The following COL5A2 variants were observed in gnomAD, a reference collection of about 807,000 sequenced individuals.
COL5A2 encodes collagen type V alpha 2 chain.
Under a neutral mutation model 208.2 loss-of-function variants are expected in COL5A2, and 23 were observed. The ratio of observed to expected loss-of-function variants is 0.11; its 90% CI spans 0.08 to 0.16. COL5A2 has a LOEUF of 0.16. Among genes scored for constraint, COL5A2 ranks in the 10% least tolerant of loss-of-function variants. The pLI is 1.00. For synonymous variants in COL5A2, 625 were observed against 628.5 expected (o/e 0.99, Z 0.08); for missense variants, 1,590 against 1,956.4 (o/e 0.81, Z 3.53).
chr2:189,214,913 G>C (rs1201040311), intron 1 of COL5A2, among the ~76,000 whole-genome samples: 2 of 152,106 alleles, frequency 1.3e-5, no homozygotes, highest in African/African-American at 4.8e-5. Context: ...GCTTTTGCCA[G>C]GACCTGATCT....
the COL5A2 span, among the ~76,000 whole-genome samples, chr2:189,236,413 T>G: frequency 6.6e-6 from 1 of 151,820 alleles, no homozygotes; most frequent in Non-Finnish European, 1.5e-5. Context: ...CAATATGGTA[T>G]GAATATGTTC....
chr2:189,104,331 A>C, intron 2 of COL5A2, 54 bp from the exon 3 acceptor site: 2 of 1,160,988 alleles, frequency 1.7e-6, no homozygotes, highest in Non-Finnish European at 1.3e-6. Flanking sequence ...ATTATTGAGA[A>C]TCTGCTAAAT....
intron 25 of COL5A2, among the ~76,000 whole-genome samples, chr2:189,064,316 G>C (rs1377155530): frequency 6.6e-6 from 1 of 152,046 alleles, no homozygotes; most frequent in African/African-American, 2.4e-5. Flanking sequence ...CTCATGCCAA[G>C]TGATAAAGCT....
chr2:189,208,733 A>G (rs1005908274), intron 1 of COL5A2, among the ~76,000 whole-genome samples: 6 of 152,240 alleles, frequency 3.9e-5, no homozygotes, highest in African/African-American at 1.2e-4. Flanking sequence ...TGTTTTAGAA[A>G]GTATACTACA....
At chr2:189,144,802 A>G (rs1688007034) in intron 1 of COL5A2, among the ~76,000 whole-genome samples, 1 of 152,100 alleles carries the variant, frequency 6.6e-6, no homozygotes, top group Non-Finnish European at 1.5e-5. Context: ...CTGACTTGCT[A>G]ATGTAGATGA....
intron 1 of COL5A2, among the ~76,000 whole-genome samples, chr2:189,222,307 G>A (rs1337769719): frequency 2.6e-5 from 4 of 152,152 alleles, no homozygotes; most frequent in Non-Finnish European, 5.9e-5. Flanking sequence ...GATTGAGGGT[G>A]TGGTCCACAT....
chr2:189,402,060 CTTTAT>C, the COL5A2 span, among the ~76,000 whole-genome samples: 8 of 151,970 alleles, frequency 5.3e-5, no homozygotes, highest in Non-Finnish European at 7.4e-5. Context: ...CACAGAAACT[CTTTAT>C]TTTAATTAGA....
At chr2:189,368,986 A>G in the COL5A2 span, among the ~76,000 whole-genome samples, 1 of 152,222 alleles carries the variant, frequency 6.6e-6, no homozygotes, top group Non-Finnish European at 1.5e-5. Context: ...TACAGTAAAC[A>G]GAAGTGATTT....
At chr2:189,301,465 T>G in the COL5A2 span, among the ~76,000 whole-genome samples, 32 of 152,334 alleles carry the variant, frequency 2.1e-4, no homozygotes, top group Middle Eastern at 3.4e-3. Context: ...TGTGTTTATT[T>G]GTATTCTTTA....
At chr2:189,085,910 T>C in intron 9 of COL5A2, 138 bp from the exon 10 acceptor site, 1 of 685,646 alleles carries the variant, frequency 1.5e-6, no homozygotes, top group Non-Finnish European at 2.6e-6. Flanking sequence ...GCAAGTTACT[T>C]AATCTGTCTG....
intron 14 of COL5A2, 130 bp downstream of exon 14, chr2:189,079,848 T>C: frequency 1.2e-6 from 1 of 812,604 alleles, no homozygotes; most frequent in East Asian, 2.5e-5. Context: ...AAAAATTATG[T>C]TTATTTACCT....
chr2:189,263,435 A>G, the COL5A2 span, among the ~76,000 whole-genome samples: 1 of 152,192 alleles, frequency 6.6e-6, no homozygotes, highest in Non-Finnish European at 1.5e-5. Flanking sequence ...CCATACGTTT[A>G]TAATGGAGCT....
chr2:189,045,452 C>T (rs941450499), intron 46 of COL5A2, among the ~76,000 whole-genome samples: 5 of 152,000 alleles, frequency 3.3e-5, no homozygotes. Context: ...GACACTTTTA[C>T]GGTCAATTTT....
chr2:189,392,359 C>T, the COL5A2 span, among the ~76,000 whole-genome samples: 2 of 152,120 alleles, frequency 1.3e-5, no homozygotes, highest in Admixed American at 1.3e-4. Flanking sequence ...TTGACCTTAT[C>T]CTCTATAGAA....
At chr2:189,425,608 T>C in the COL5A2 span, among the ~76,000 whole-genome samples, 2 of 152,106 alleles carry the variant, frequency 1.3e-5, no homozygotes, top group African/African-American at 4.8e-5. Context: ...GAAAGACAAA[T>C]ACCACATGAT....
intron 1 of COL5A2, 57 bp from the exon 2 acceptor site, chr2:189,110,506 TA>T: frequency 6.6e-7 from 1 of 1,524,708 alleles, no homozygotes; most frequent in Non-Finnish European, 9.0e-7. Context: ...ATTGAGAAAA[TA>T]AAAGGTGAGC....
At chr2:189,119,715 T>C (rs1245824788) in intron 1 of COL5A2, among the ~76,000 whole-genome samples, 1 of 152,070 alleles carries the variant, frequency 6.6e-6, no homozygotes, top group Non-Finnish European at 1.5e-5. Context: ...TTTCAAAAAT[T>C]TGCTTAATTC....
intron 29 of COL5A2, among the ~76,000 whole-genome samples, chr2:189,061,916 C>G (rs1686040229): frequency 6.6e-6 from 1 of 151,846 alleles, no homozygotes; most frequent in Non-Finnish European, 1.5e-5. Flanking sequence ...ATAGGAAAAC[C>G]CATTACTTTT....
chr2:189,351,354 C>T, the COL5A2 span, among the ~76,000 whole-genome samples: 2 of 152,238 alleles, frequency 1.3e-5, no homozygotes, highest in East Asian at 3.9e-4. Context: ...TTTGTCAAGA[C>T]CTGGAATTTG....
Sources: allele counts gnomAD v4.1 joint callset (sites outside exome capture counted in the v4.1 genomes callset), GRCh38; gene constraint gnomAD v4.1.1; transcripts MANE v1.5; gene names NCBI Gene and HGNC (gene_info 2026-07-23, HGNC 2026-07-21).